The following NRG3 variants were observed in gnomAD, a reference collection of about 807,000 sequenced individuals.
NRG3 encodes the protein pro-neuregulin-3, membrane-bound isoform.
Under a neutral mutation model 66.9 loss-of-function variants are expected in NRG3, and 31 were observed. The ratio of observed to expected loss-of-function variants is 0.46; its 90% CI spans 0.35 to 0.63. NRG3 has a LOEUF of 0.63. Ranked by LOEUF, NRG3 falls within the 20% of genes least tolerant of loss-of-function variation. The pLI, the probability that NRG3 is intolerant of heterozygous loss-of-function variation, is 0.00. For synonymous variants in NRG3, 393 were observed against 359.4 expected (o/e 1.09, Z -1.06); for missense variants, 910 against 878.9 (o/e 1.04, Z -0.45).
chr10:82,676,776 C>G (rs1159034506), intron 2 of NRG3, among the ~76,000 whole-genome samples: 3 of 152,176 alleles, frequency 2.0e-5, no homozygotes, highest in African/African-American at 7.2e-5. Flanking sequence ...GCCATGGCGC[C>G]CAGCCTCTAT....
chr10:82,216,452 T>TATC (rs1554851831), intron 1 of NRG3, among the ~76,000 whole-genome samples: 1 of 143,418 alleles, frequency 7.0e-6, no homozygotes, highest in Non-Finnish European at 1.5e-5. Context: ...AAAATACATT[T>TATC]TATATATATG....
chr10:82,533,788 A>G (rs1847538800), intron 2 of NRG3, among the ~76,000 whole-genome samples: 2 of 152,196 alleles, frequency 1.3e-5, no homozygotes, highest in Non-Finnish European at 2.9e-5. Context: ...ACAGGAAGGG[A>G]AGATGTAAAA....
chr10:81,964,417 A>T lies in NRG3; in HGVS notation c.823+88254A>T, dbSNP rs2059652156. Among the ~76,000 whole-genome samples the T allele has an allele frequency of 1.6e-5, 2 of 127,016 alleles. 1 individual carries two copies. The highest frequency in any genetic ancestry group is 4.4e-4 in the South Asian group (2 of 4,508). The allele number at this position is 127,016 out of a possible 152,430, so 83.3% of individuals were successfully genotyped here. A position where few individuals can be genotyped will look rare whatever the true frequency, so the allele number is the denominator to read the frequency against. On this transcript the variant is annotated intron_variant, in intron 1 of 8. Transcript: ENST00000372141. ...TCTCAAAAAAAAAAAAAAAAAAAAA[A>T]AGAAGAATATTAGAAAATTACAAAA...
chr10:82,783,871 T>A (rs907643030), intron 3 of NRG3, among the ~76,000 whole-genome samples: 2 of 152,058 alleles, frequency 1.3e-5, no homozygotes, highest in Middle Eastern at 3.2e-3. Flanking sequence ...AAAGTTCATA[T>A]GGAACCAAAA....
intron 1 of NRG3, among the ~76,000 whole-genome samples, chr10:82,231,786 T>C (rs1354547711): frequency 1.3e-5 from 2 of 152,208 alleles, no homozygotes; most frequent in Non-Finnish European, 2.9e-5. Context: ...ACATGATTGA[T>C]TTCAAAATGT....
intron 3 of NRG3, among the ~76,000 whole-genome samples, chr10:82,779,942 A>C (rs1480696251): frequency 2.7e-5 from 4 of 146,692 alleles, no homozygotes; most frequent in African/African-American, 5.1e-5. Flanking sequence ...TCATTGTTCA[A>C]CTCCCACTTA....
chr10:82,969,859 CA>C (rs1851565348), intron 6 of NRG3, among the ~76,000 whole-genome samples: 1 of 152,136 alleles, frequency 6.6e-6, no homozygotes, highest in South Asian at 2.1e-4. Context: ...TATGTACATA[CA>C]AAATCTGTAT....
At chr10:82,694,007 G>T (rs1269206153) in intron 2 of NRG3, among the ~76,000 whole-genome samples, 1 of 152,198 alleles carries the variant, frequency 6.6e-6, no homozygotes, top group Non-Finnish European at 1.5e-5. Context: ...ACAGAGTGCT[G>T]ATTAGTCCAT....
At chr10:82,187,010 T>C (rs953852146) in intron 1 of NRG3, among the ~76,000 whole-genome samples, 1 of 152,176 alleles carries the variant, frequency 6.6e-6, no homozygotes, top group Non-Finnish European at 1.5e-5. Flanking sequence ...TCCACTAGAA[T>C]AGAGCCCAAT....
chr10:82,809,960 CTT>C (rs2061427089), intron 3 of NRG3, among the ~76,000 whole-genome samples: 1 of 149,904 alleles, frequency 6.7e-6, no homozygotes, highest in East Asian at 1.9e-4. Flanking sequence ...TTTCTTATAA[CTT>C]GTTGATTTTT....
intron 2 of NRG3, among the ~76,000 whole-genome samples, chr10:82,484,779 G>T (rs1335387342): frequency 2.0e-5 from 3 of 152,180 alleles, no homozygotes; most frequent in African/African-American, 7.2e-5. Context: ...TGTTGGCAAA[G>T]AATATAGTTG....
chr10:82,858,840 G>C (rs17685233), intron 3 of NRG3, among the ~76,000 whole-genome samples: 1 of 152,064 alleles, frequency 6.6e-6, no homozygotes, highest in South Asian at 2.1e-4. Flanking sequence ...AGTTGGAAAC[G>C]CTGTCACTGA....
At chr10:82,605,464 C>G (rs674613) in intron 2 of NRG3, among the ~76,000 whole-genome samples, 12,710 of 151,968 alleles carry the variant, frequency 0.084, 612 homozygotes, top group East Asian at 0.15. Flanking sequence ...TTTACTACAT[C>G]AGTGGGTTCA....
chr10:82,643,552 T>C (rs2050725158), intron 2 of NRG3, among the ~76,000 whole-genome samples: 1 of 152,098 alleles, frequency 6.6e-6, no homozygotes, highest in Non-Finnish European at 1.5e-5. Flanking sequence ...TAATAATATA[T>C]TATTGCTTAT....
chr10:82,230,572 TG>T (rs2076406802), intron 1 of NRG3, among the ~76,000 whole-genome samples: 1 of 151,696 alleles, frequency 6.6e-6, no homozygotes, highest in Non-Finnish European at 1.5e-5. Flanking sequence ...AGAATCTAGT[TG>T]CCAGATTCCT....
intron 2 of NRG3, among the ~76,000 whole-genome samples, chr10:82,408,467 A>C (rs1210493314): frequency 6.6e-6 from 1 of 152,118 alleles, no homozygotes; most frequent in Admixed American, 6.6e-5. Context: ...TAGCTCATGA[A>C]ATAGATCAAT....
At chr10:82,686,573 C>G (rs2054530585) in intron 2 of NRG3, among the ~76,000 whole-genome samples, 1 of 152,200 alleles carries the variant, frequency 6.6e-6, no homozygotes, top group Non-Finnish European at 1.5e-5. Context: ...ATACAGTGCA[C>G]TACAACATCG....
intron 4 of NRG3, among the ~76,000 whole-genome samples, chr10:82,901,380 C>T (rs986701811): frequency 5.3e-5 from 8 of 151,978 alleles, no homozygotes; most frequent in African/African-American, 1.2e-4. Flanking sequence ...TGATCCAAGT[C>T]GCTCCAACCT....
intron 3 of NRG3, among the ~76,000 whole-genome samples, chr10:82,826,071 A>T (rs2062192120): frequency 6.6e-6 from 1 of 152,162 alleles, no homozygotes; most frequent in Non-Finnish European, 1.5e-5. Context: ...AGTGTAAGAG[A>T]TTACTGGAAT....
Sources: gnomAD v4.1 joint callset for allele counts (sites outside exome capture counted in the v4.1 genomes callset) on GRCh38, gnomAD v4.1.1 for gene constraint, MANE v1.5 for transcripts, NCBI Gene and HGNC (gene_info 2026-07-23, HGNC 2026-07-21) for gene names.